The following SOX5 variants were observed in gnomAD, a reference collection of about 807,000 sequenced individuals.
SOX5 encodes the protein SRY-box transcription factor 5.
In SOX5, 9 loss-of-function variants were observed where a neutral mutation model predicts 92.0. That is an observed-to-expected ratio of 0.10 (90% CI 0.06 to 0.17). The LOEUF (loss-of-function observed/expected upper bound fraction) is 0.17, where lower values mean the gene tolerates loss of function less well. Among genes scored for constraint, SOX5 ranks in the 10% least tolerant of loss-of-function variants. The pLI, the probability that SOX5 is intolerant of heterozygous loss-of-function variation, is 1.00. For synonymous variants in SOX5, 344 were observed against 336.3 expected (o/e 1.02, Z -0.25); for missense variants, 642 against 944.5 (o/e 0.68, Z 4.20).
intron 2 of SOX5, among the ~76,000 whole-genome samples, chr12:24,306,254 G>A (rs1003705396): frequency 3.3e-5 from 5 of 152,148 alleles, no homozygotes; most frequent in Admixed American, 6.5e-5. Context: ...TGCCTGCACC[G>A]CCAGCTCTGA....
chr12:23,715,187 T>C (rs1396876327), intron 6 of SOX5, among the ~76,000 whole-genome samples: 1 of 151,932 alleles, frequency 6.6e-6, no homozygotes, highest in Non-Finnish European at 1.5e-5. Context: ...TAGTCCCAGC[T>C]ACTAGGGAGG....
At chr12:24,063,965 C>A (rs1546227) in intron 4 of SOX5, among the ~76,000 whole-genome samples, 1 of 151,950 alleles carries the variant, frequency 6.6e-6, no homozygotes, top group Non-Finnish European at 1.5e-5. Context: ...ATAGAAAATG[C>A]CACACAGTTT....
At chr12:23,543,531 T>C in intron 12 of SOX5, 147 bp from the exon 13 acceptor site, 2 of 544,292 alleles carry the variant, frequency 3.7e-6, no homozygotes, top group Non-Finnish European at 6.3e-6. Flanking sequence ...CAGATGCTTG[T>C]TTATGAAGTT....
intron 4 of SOX5, among the ~76,000 whole-genome samples, chr12:24,070,090 G>T (rs948325768): frequency 6.6e-6 from 1 of 152,056 alleles, no homozygotes; most frequent in Non-Finnish European, 1.5e-5. Context: ...TGAGTTTGCC[G>T]CAACAACACT....
intron 2 of SOX5, among the ~76,000 whole-genome samples, chr12:23,869,957 A>C (rs1435647252): frequency 3.9e-5 from 6 of 152,124 alleles, no homozygotes; most frequent in Admixed American, 3.9e-4. Flanking sequence ...TGCTTTTCTC[A>C]TGTTGAAATC....
chr12:23,572,922 C>T (rs1324134982), intron 10 of SOX5, among the ~76,000 whole-genome samples: 1 of 152,132 alleles, frequency 6.6e-6, no homozygotes, highest in African/African-American at 2.4e-5. Flanking sequence ...GACTGAATTC[C>T]TCTTAACAAA....
intron 1 of SOX5, among the ~76,000 whole-genome samples, chr12:24,397,269 A>G (rs1352501801): frequency 6.6e-6 from 1 of 152,162 alleles, no homozygotes; most frequent in Non-Finnish European, 1.5e-5. Context: ...GAAAAAGTAA[A>G]TACTATTTCC....
chr12:23,630,841 T>C (rs7307704), intron 8 of SOX5, among the ~76,000 whole-genome samples: 6,436 of 152,080 alleles, frequency 0.042, 450 homozygotes, highest in African/African-American at 0.14. Context: ...TATGTTATAC[T>C]GCCTCTCACT....
At chr12:23,779,018 T>A (rs1353615938) in intron 3 of SOX5, among the ~76,000 whole-genome samples, 2 of 152,208 alleles carry the variant, frequency 1.3e-5, no homozygotes, top group Non-Finnish European at 2.9e-5. Context: ...GGCAGATCAC[T>A]GTAGCAGAGA....
chr12:23,704,713 T>TATATATAC (rs1305435619), intron 6 of SOX5, among the ~76,000 whole-genome samples: 7 of 89,056 alleles, frequency 7.9e-5, no homozygotes, highest in Non-Finnish European at 1.7e-4. Flanking sequence ...TATATATATA[T>TATATATAC]ATACACACAC....
At chr12:24,012,869 T>TCCTAAATCTATTCAGTAGAAGCAC (rs1953117474) in intron 4 of SOX5, among the ~76,000 whole-genome samples, 2 of 152,188 alleles carry the variant, frequency 1.3e-5, no homozygotes, top group South Asian at 2.1e-4. Flanking sequence ...ACCAAACACT[T>TCCTAAATCTATTCAGTAGAAGCAC]CCTAAATCTA....
intron 3 of SOX5, among the ~76,000 whole-genome samples, chr12:23,801,795 A>T (rs2095663914): frequency 6.6e-6 from 1 of 152,124 alleles, no homozygotes; most frequent in Admixed American, 6.5e-5. Flanking sequence ...TCATGCTTTC[A>T]GTTACACTTT....
intron 1 of SOX5, among the ~76,000 whole-genome samples, chr12:24,409,457 GAAA>G (rs1239074485): frequency 6.6e-6 from 1 of 151,692 alleles, no homozygotes; most frequent in African/African-American, 2.4e-5. Flanking sequence ...TTTTTTTTTA[GAAA>G]AAATAATTTT....
At chr12:24,408,637 C>T (rs1963482823) in intron 1 of SOX5, among the ~76,000 whole-genome samples, 1 of 152,202 alleles carries the variant, frequency 6.6e-6, no homozygotes. Flanking sequence ...AAATCATACA[C>T]TCAACAGAAC....
intron 10 of SOX5, among the ~76,000 whole-genome samples, chr12:23,570,275 TG>T (rs1308816872): frequency 6.6e-6 from 1 of 152,164 alleles, no homozygotes; most frequent in East Asian, 1.9e-4. Context: ...TTTTTATCTG[TG>T]AAAGCTCACC....
At chr12:24,339,163 C>CCACACA (rs56243419) in intron 2 of SOX5, among the ~76,000 whole-genome samples, 20,256 of 140,324 alleles carry the variant, frequency 0.14, 1,660 homozygotes, top group East Asian at 0.35. Context: ...TCTCTCTCTG[C>CCACACA]CACACACACA....
At chr12:24,304,441 A>C (rs1259166485) in intron 2 of SOX5, among the ~76,000 whole-genome samples, 1 of 152,196 alleles carries the variant, frequency 6.6e-6, no homozygotes, top group Non-Finnish European at 1.5e-5. Context: ...CTTCAGTGCT[A>C]TAATTCAGAA....
intron 6 of SOX5, among the ~76,000 whole-genome samples, chr12:23,705,477 G>T (rs551137460): frequency 6.6e-6 from 1 of 151,866 alleles, no homozygotes; most frequent in South Asian, 2.1e-4. Context: ...TGTTGAGGGG[G>T]AAAACACACA....
At position 24,094,369 on chromosome 12, in the gene SOX5, T is replaced by C. The variant is rs571184551; in HGVS notation, c.-2+118974A>G. On this transcript the variant is annotated intron_variant, in intron 4 of 4. Transcript: ENST00000446891. ...ATTACCTTTGTCTGTTTTGCTATTA[T>C]GTTGTCTTTTACCTGCTGCAAAATT... is the stretch of plus-strand genomic sequence containing the variant. Among the ~76,000 whole-genome samples the C allele has an allele frequency of 1.8e-3, 277 of 152,330 alleles. No homozygotes were observed. The Middle Eastern group carries it at 0.044, about 24-fold the overall frequency.
Sources: gnomAD v4.1 joint callset for allele counts (sites outside exome capture counted in the v4.1 genomes callset) on GRCh38, gnomAD v4.1.1 for gene constraint, MANE v1.5 for transcripts, NCBI Gene and HGNC (gene_info 2026-07-23, HGNC 2026-07-21) for gene names.